EXPH5: variants seen among roughly 807,000 people sequenced by gnomAD.
EXPH5 encodes the protein exophilin-5.
A neutral mutation model predicts 41.1 loss-of-function variants in EXPH5; 42 were observed. The ratio of observed to expected loss-of-function variants is 1.02; its 90% confidence interval spans 0.80 to 1.32. The LOEUF is 1.32. Among genes scored for constraint, EXPH5 ranks in the 40% most tolerant of loss-of-function variants. The pLI is 0.00. For synonymous variants in EXPH5, 798 were observed against 833.5 expected, an observed-to-expected ratio of 0.96 and a Z score of 0.73; for missense variants, 2,298 against 2,314.5, an observed-to-expected ratio of 0.99 and a Z score of 0.15.
chr11:108,582,410 G>A (rs1316484774), intron 1 of EXPH5, among the ~76,000 whole-genome samples: 1 of 152,016 alleles, frequency 6.6e-6, no homozygotes, highest in Non-Finnish European at 1.5e-5. Flanking sequence ...AGGTTGCAGT[G>A]GGCTGAGATC....
chr11:108,530,656 G>A (rs779606363), intron 3 of EXPH5, among the ~76,000 whole-genome samples: 1 of 152,190 alleles, frequency 6.6e-6, no homozygotes, highest in Admixed American at 6.5e-5. Flanking sequence ...CCCACAGTCC[G>A]ACACTCACCA....
Position 108,510,026 on chromosome 11 carries a change from G to T in EXPH5, c.5481C>A (p.Asp1827Glu). ...ERHFSESTSIDNALSRLTLGN... is the reference protein window; with the variant it reads ...ERHFSESTSIENALSRLTLGN... The stretch of plus-strand genomic sequence containing the variant: ...CAAGGGTCAGTCGACTCAGGGCATT[G>T]TCAATAGAAGTGCTTTCAGAAAAAT... Residue 1827 changes from aspartate to glutamate, a missense_variant, in exon 6 of 6, where the codon GAC (aspartate) becomes GAA (glutamate). Physicochemically the swap from Asp to Glu is conservative, Grantham distance 45. Transcript: ENST00000265843. 6.2e-7 allele frequency: 1 copy of T among 1,613,132 alleles called. No homozygotes were observed. The highest frequency in any genetic ancestry group is 2.2e-5 in the East Asian group (1 of 44,874).
In EXPH5 at chr11:108,541,660, G is replaced by T; in HGVS notation, c.272C>A (p.Ala91Glu). The T allele has an allele frequency of 1.9e-6, 3 of 1,586,956 alleles. No individual in the cohort carries two copies. Among genetic ancestry groups the T allele is most frequent in the East Asian group, 2.2e-5 (1 of 44,556 alleles). ...PLTYRLSKEM[A>E]KNDPIELPTS... ...TAAAATCTTTTTCTTACCATTTTTT[G>T]CCATCTCCTTACTTAGCCTGTATGT... The change falls in exon 2 of 6, where the codon GCA becomes GAA. Residue 91 changes from alanine (A) to glutamate (E), a missense_variant. Physicochemically the swap from Ala to Glu is moderately radical, Grantham distance 107. Coordinates refer to ENST00000265843, the MANE Select transcript of EXPH5 (RefSeq NM_015065.3).
intron 3 of EXPH5, among the ~76,000 whole-genome samples, chr11:108,529,284 A>G (rs1215662257): frequency 6.6e-6 from 1 of 152,202 alleles, no homozygotes; most frequent in Non-Finnish European, 1.5e-5. Flanking sequence ...AGATTCAACG[A>G]GAAGGTGACA....
chr11:108,601,456 A>G, the EXPH5 span, among the ~76,000 whole-genome samples: 3 of 152,356 alleles, frequency 2.0e-5, no homozygotes, highest in Non-Finnish European at 4.4e-5. Context: ...CAACCATACT[A>G]GGTACAATCC....
chr11:108,514,061 G>A lies in EXPH5; in HGVS notation c.1446C>T (p.Gly482=), dbSNP rs1482029370. The change falls in exon 6 of 6, where the codon GGC becomes GGT. Residue 482 remains glycine (G), a synonymous_variant. Coordinates refer to ENST00000265843, the MANE Select transcript of EXPH5 (RefSeq NM_015065.3). ...QRRFGQGPFW[G]QEKGHSFWSD... ...ACCAGAAAGAATGTCCTTTCTCTTG[G>A]CCCCAAAAAGGACCTTGTCCAAATC... The A allele has an allele frequency of 6.2e-6, 10 of 1,613,868 alleles. No individual in the cohort carries two copies. In the African/African-American group the frequency reaches 9.3e-5, roughly 15 times the overall value.
intron 1 of EXPH5, among the ~76,000 whole-genome samples, chr11:108,555,042 C>T (rs1400281520): frequency 1.3e-5 from 2 of 152,200 alleles, no homozygotes; most frequent in African/African-American, 4.8e-5. Context: ...ATTTCTATGT[C>T]GTACTTAAAT....
intron 1 of EXPH5, among the ~76,000 whole-genome samples, chr11:108,544,941 A>G (rs1360484023): frequency 1.3e-5 from 2 of 151,904 alleles, no homozygotes; most frequent in African/African-American, 2.4e-5. Context: ...CTTTTTTATT[A>G]TGTACAATAT....
intron 1 of EXPH5, among the ~76,000 whole-genome samples, chr11:108,554,444 C>G (rs1387201945): frequency 6.6e-6 from 1 of 152,144 alleles, no homozygotes; most frequent in Non-Finnish European, 1.5e-5. Context: ...AATAATATCT[C>G]CTGGAGCTTT....
Position 108,513,386 on chromosome 11 carries a change from A to G in EXPH5, c.2121T>C (p.Ile707=). The G allele has an allele frequency of 1.2e-6, 2 of 1,614,042 alleles. No individual in the cohort carries two copies. The highest frequency in any genetic ancestry group is 1.7e-6 in the Non-Finnish European group (2 of 1,179,956). ...TGCTTAGCTGTTTGTCTTCTTCTGA[A>G]ATAGATTCATTTAAGTCTTTCTCAT... is the stretch of plus-strand genomic sequence containing the variant. ...VNNEKDLNES[I]SEEDKQLSKM... is the part of the protein sequence containing the mutation. Residue 707 remains isoleucine (I), a synonymous_variant, in exon 6 of 6, where the codon ATT becomes ATC. Transcript: ENST00000265843.
intron 1 of EXPH5, among the ~76,000 whole-genome samples, chr11:108,548,947 T>C (rs1179984019): frequency 6.6e-6 from 1 of 152,238 alleles, no homozygotes; most frequent in Non-Finnish European, 1.5e-5. Context: ...TAGCCTCAGT[T>C]TGACAAAGAT....
chr11:108,562,261 C>CTG (rs200944106), intron 1 of EXPH5, among the ~76,000 whole-genome samples: 800 of 70,094 alleles, frequency 0.011, 22 homozygotes, highest in South Asian at 0.039. Context: ...ACAATTTTTT[C>CTG]TGTGTTTTTT....
At chr11:108,589,148 T>C (rs1288942268) in intron 1 of EXPH5, among the ~76,000 whole-genome samples, 1 of 152,240 alleles carries the variant, frequency 6.6e-6, no homozygotes, top group Non-Finnish European at 1.5e-5. Context: ...AATGAAAACC[T>C]TTCATAGACT....
intron 2 of EXPH5, 128 bp downstream of exon 2, chr11:108,541,524 T>A (rs2093912844): frequency 1.7e-6 from 1 of 574,318 alleles, no homozygotes. Context: ...TATAAACTTT[T>A]GTGGCTTATG....
At chr11:108,572,580 CAG>C (rs1330258548) in intron 1 of EXPH5, among the ~76,000 whole-genome samples, 1 of 152,088 alleles carries the variant, frequency 6.6e-6, no homozygotes, top group Middle Eastern at 3.2e-3. Context: ...TATTTTGAGA[CAG>C]AGTTTTCCTC....
chr11:108,552,787 T>C (rs748335119), intron 1 of EXPH5, among the ~76,000 whole-genome samples: 3 of 152,062 alleles, frequency 2.0e-5, no homozygotes, highest in East Asian at 1.9e-4. Flanking sequence ...GGCTTGCTAG[T>C]GTGTGCCTGT....
At chr11:108,554,698 A>C (rs2093982715) in intron 1 of EXPH5, among the ~76,000 whole-genome samples, 1 of 152,194 alleles carries the variant, frequency 6.6e-6, no homozygotes, top group East Asian at 1.9e-4. Flanking sequence ...AAGGTAGGTG[A>C]ATCACTTGAT....
At chr11:108,527,234 C>T (rs556639191) in intron 4 of EXPH5, among the ~76,000 whole-genome samples, 22 of 152,150 alleles carry the variant, frequency 1.4e-4, no homozygotes, top group African/African-American at 4.1e-4. Context: ...GCAGGGGAAT[C>T]GCTTGAACTC....
chr11:108,533,145 C>T (rs1408014002), intron 3 of EXPH5, among the ~76,000 whole-genome samples: 1 of 152,126 alleles, frequency 6.6e-6, no homozygotes, highest in South Asian at 2.1e-4. Context: ...GAAATTTCAT[C>T]TCTACTTCTT....
Sources: allele counts gnomAD v4.1 joint callset (sites outside exome capture counted in the v4.1 genomes callset), GRCh38; gene constraint gnomAD v4.1.1; transcripts MANE v1.5; gene names NCBI Gene and HGNC (gene_info 2026-07-23, HGNC 2026-07-21).